Variants in STAT5B observed in about 807,000 individuals in gnomAD.
The protein encoded by STAT5B is transcription factor STAT5B.
In STAT5B, 21 loss-of-function variants were observed where a neutral mutation model predicts 107.8. The observed-to-expected ratio is 0.19, with a 90% CI of 0.14 to 0.28. The LOEUF is 0.28. Ranked by LOEUF, STAT5B falls within the 10% of genes least tolerant of loss-of-function variation. The pLI is 1.00. For missense variants in STAT5B, 565 were observed against 1,008.2 expected, an observed-to-expected ratio of 0.56 and a Z score of 5.95; for synonymous variants, 325 against 401.7, an observed-to-expected ratio of 0.81 and a Z score of 2.28.
chr17:42,232,702 G>A (rs933392704), intron 1 of STAT5B, among the ~76,000 whole-genome samples: 3 of 152,104 alleles, frequency 2.0e-5, no homozygotes, highest in Admixed American at 2.0e-4. Context: ...ATGTACTAAG[G>A]TCTTATAAGC....
chr17:42,234,733 G>A (rs534348446), intron 1 of STAT5B: 1 of 152,264 alleles, frequency 6.6e-6, no homozygotes. Context: ...GTGGTGCCAT[G>A]CGTCTATAAT....
At chr17:42,263,222 A>G (rs2080634055) in intron 1 of STAT5B, among the ~76,000 whole-genome samples, 1 of 150,258 alleles carries the variant, frequency 6.7e-6, no homozygotes, top group Admixed American at 6.7e-5. Context: ...AAAAATATAC[A>G]GGCTACCACG....
At chr17:42,244,031 T>C (rs553332988) in intron 1 of STAT5B, among the ~76,000 whole-genome samples, 7 of 152,178 alleles carry the variant, frequency 4.6e-5, no homozygotes, top group African/African-American at 1.2e-4. Flanking sequence ...AAATAAGAAA[T>C]GATTTGAAGC....
At chr17:42,205,985 C>T (rs1415577364) in intron 16 of STAT5B, among the ~76,000 whole-genome samples, 1 of 152,076 alleles carries the variant, frequency 6.6e-6, no homozygotes, top group Non-Finnish European at 1.5e-5. Flanking sequence ...ATAACACCTC[C>T]ACTCTCCTCC....
At chr17:42,223,585 C>T (rs1407825284) in intron 4 of STAT5B, 29 bp from the exon 5 acceptor site, 5 of 1,612,072 alleles carry the variant, frequency 3.1e-6, no homozygotes, top group Non-Finnish European at 3.4e-6. Flanking sequence ...CAGTGCAAGG[C>T]AGTGCGAATG....
chr17:42,201,551 C>CACAA lies in STAT5B; in HGVS notation c.*183_*186dup. 4.5e-6 allele frequency: 3 copies of CACAA among 667,626 alleles called. No individual in the cohort carries two copies. The highest frequency in any genetic ancestry group is 2.7e-5 in the East Asian group (1 of 37,060). The allele number at this position is 667,626 out of a possible 1,614,324, so 41.4% of individuals were successfully genotyped here. On this transcript the variant is annotated 3_prime_UTR_variant, in exon 19 of 19. Coordinates refer to ENST00000293328, the MANE Select transcript of STAT5B (RefSeq NM_012448.4). ...ACACACACACACACACACACACACA[C>CACAA]ACAAACACATACTCGCACTCCCTTC...
At position 42,218,418 on chromosome 17, in the gene STAT5B, C is replaced by T. The variant is rs902577532; in HGVS notation, c.990-88G>A. The T allele has an allele frequency of 2.1e-5, 33 of 1,553,004 alleles. No individual in the cohort carries two copies. In the African/African-American group the frequency reaches 3.4e-4, roughly 16 times the overall value. On this transcript the variant is annotated intron_variant, in intron 8 of 18. Coordinates refer to ENST00000293328, the MANE Select transcript of STAT5B (RefSeq NM_012448.4). The stretch of plus-strand genomic sequence containing the variant: ...CCCTCTGTGGTGGGGGTGGGGCTGC[C>T]TCCCGAGGGGCTCAGGAGGTGAAGA...
At chr17:42,211,167 C>A (rs748806298) in intron 13 of STAT5B, among the ~76,000 whole-genome samples, 28 of 151,552 alleles carry the variant, frequency 1.8e-4, no homozygotes, top group Admixed American at 4.0e-4. Context: ...TACCACTGCA[C>A]TCCTTGTGAC....
the STAT5B span, among the ~76,000 whole-genome samples, chr17:42,286,672 G>A: frequency 1.1e-4 from 17 of 152,284 alleles, no homozygotes; most frequent in African/African-American, 4.1e-4. Context: ...TGGCAAGGGT[G>A]GCCCTCTGCC....
chr17:42,235,419 C>A (rs1227438280), intron 1 of STAT5B: 1 of 151,646 alleles, frequency 6.6e-6, no homozygotes, highest in Non-Finnish European at 1.5e-5. Flanking sequence ...TATAATTGAA[C>A]AATATATCAG....
chr17:42,212,172 C>T lies in STAT5B; in HGVS notation c.1492G>A (p.Val498Met), dbSNP rs748404440. 3 of 1,614,130 alleles carry T rather than the reference C, an allele frequency of 1.9e-6. No homozygotes were observed. The highest frequency in any genetic ancestry group is 2.5e-6 in the Non-Finnish European group (3 of 1,180,028). Residue 498 changes from valine to methionine, a missense_variant, in exon 13 of 19, where the codon GTG becomes ATG. By Grantham distance (21) the Val-to-Met change is conservative (BLOSUM62 1). Around this residue, in one of 11 missense-constraint regions of STAT5B, gnomAD observed 127 missense variants for 215.8 expected, o/e 0.59. Transcript: ENST00000293328. ...FAEPGRVPFA[V>M]PDKVLWPQLC... is the part of the protein sequence containing the mutation. ...TGTGGCCACAGCACTTTGTCAGGCA[C>T]GGCAAATGGCACCCTGCCCTGAGAG...
intron 16 of STAT5B, 129 bp from the exon 17 acceptor site, chr17:42,202,937 C>G (rs2080057202): frequency 9.6e-6 from 12 of 1,251,848 alleles, no homozygotes; most frequent in Non-Finnish European, 1.4e-5. Context: ...GACACAAGCA[C>G]TTAATATTTT....
Position 42,266,961 on chromosome 17 carries a change from A to AT in STAT5B, c.-11+9286dup, listed in dbSNP as rs552194642. On this transcript the variant is annotated intron_variant, in intron 1 of 18. Coordinates refer to ENST00000293328, the MANE Select transcript of STAT5B (RefSeq NM_012448.4). ...ACATGACTACACTCAGAGTTTCCAT[A>AT]TATGTAGTCAGGCACCACATAATGA... Among the ~76,000 whole-genome samples the AT allele has an allele frequency of 2.5e-4, 38 of 152,338 alleles. No individual in the cohort carries two copies. In the East Asian group the frequency reaches 6.9e-3, roughly 28 times the overall value.
At chr17:42,212,212 A>C in intron 12 of STAT5B, 22 bp from the exon 13 acceptor site, 1 of 1,614,232 alleles carries the variant, frequency 6.2e-7, no homozygotes, top group East Asian at 2.2e-5. Flanking sequence ...AGAGGCCAGA[A>C]TCTGATGAGA....
At position 42,255,341 on chromosome 17, in the gene STAT5B, C is replaced by A. The variant is rs539388267; in HGVS notation, c.-11+20907G>T. On this transcript the variant is annotated intron_variant, in intron 1 of 18. Transcript: ENST00000293328. ...AGCAAGACTTGGAGTAGATAAGCCA[C>A]AGGCATACAGATGAGGAATCACATT... is the stretch of plus-strand genomic sequence containing the variant. Among the ~76,000 whole-genome samples, 19 of 152,320 alleles carry A rather than the reference C, an allele frequency of 1.2e-4. No homozygotes were observed. The South Asian group carries it at 3.7e-3, about 30-fold the overall frequency.
chr17:42,277,000 G>C (rs1251781759), upstream of STAT5B, among the ~76,000 whole-genome samples: 1 of 152,260 alleles, frequency 6.6e-6, no homozygotes, highest in African/African-American at 2.4e-5. The surrounding 1 kb of genome is among the most constrained non-coding windows in gnomAD (Gnocchi z 4.8). Context: ...ACCTACGGGG[G>C]ACGGGGCGCC....
intron 1 of STAT5B, among the ~76,000 whole-genome samples, chr17:42,242,311 A>C (rs1186312660): frequency 3.3e-5 from 5 of 152,228 alleles, no homozygotes; most frequent in African/African-American, 7.2e-5. Context: ...GAGTAGACTC[A>C]GACAAGGATC....
chr17:42,203,538 C>T (rs1408015430), intron 16 of STAT5B, among the ~76,000 whole-genome samples: 1 of 152,098 alleles, frequency 6.6e-6, no homozygotes, highest in Non-Finnish European at 1.5e-5. Flanking sequence ...GACAAATGTT[C>T]AGTCATGCAG....
intron 1 of STAT5B, among the ~76,000 whole-genome samples, chr17:42,248,746 A>G (rs2144352261): frequency 6.6e-6 from 1 of 152,356 alleles, no homozygotes; most frequent in South Asian, 2.1e-4. Context: ...CACAGGCGGC[A>G]CTGTTACCGG....
Sources: gnomAD v4.1 joint callset for allele counts (sites outside exome capture counted in the v4.1 genomes callset) on GRCh38, gnomAD v4.1.1 for gene constraint, gnomAD v4.1.1 regional missense constraint, Gnocchi (gnomAD v3.1) non-coding constraint, MANE v1.5 for transcripts, NCBI Gene and HGNC (gene_info 2026-07-23, HGNC 2026-07-21) for gene names.